The following ARHGEF18 variants were observed in gnomAD, a reference collection of about 807,000 sequenced individuals.
The protein encoded by ARHGEF18 is Rho/Rac guanine nucleotide exchange factor 18.
ARHGEF18 carries 93 observed loss-of-function variants against 155.7 expected under a neutral mutation model. The ratio of observed to expected loss-of-function variants is 0.60; its 90% CI spans 0.50 to 0.71. ARHGEF18 has a LOEUF of 0.71. ARHGEF18 is among the 30% of genes least tolerant of loss of function. The probability of loss-of-function intolerance (pLI) is 0.00; values close to 1 mark genes in which losing one functional copy is unlikely to be tolerated. For synonymous variants in ARHGEF18, 742 were observed against 753.1 expected, an observed-to-expected ratio of 0.99 and a Z score of 0.24; for missense variants, 1,593 against 1,816.1, an observed-to-expected ratio of 0.88 and a Z score of 2.23.
chr19:7,384,505 A>G (rs1351439748), intron 10 of ARHGEF18, among the ~76,000 whole-genome samples: 1 of 152,000 alleles, frequency 6.6e-6, no homozygotes, highest in Non-Finnish European at 1.5e-5. Flanking sequence ...AGGCGTGGGA[A>G]TTTTCCTTCT....
In ARHGEF18 at chr19:7,416,605, GT is replaced by G. The variant is rs71179109; in HGVS notation, c.968-23724del. Among the ~76,000 whole-genome samples the G allele has an allele frequency of 2.5e-4, 23 of 90,452 alleles. 1 individual carries two copies. The highest frequency in any genetic ancestry group is 2.0e-3 in the South Asian group (5 of 2,520). 59.3% of individuals were successfully genotyped at this position (90,452 alleles called of 152,430 possible). On this transcript the variant is annotated intron_variant, in intron 10 of 28. Coordinates refer to ENST00000668164, the MANE Select transcript of ARHGEF18 (RefSeq NM_001367823.1). ...TTGGGGTGGATGATATTTTATTTGG[GT>G]TTTTTTTTTTTTTTGAGACAGAGTC...
intron 2 of ARHGEF18, among the ~76,000 whole-genome samples, chr19:7,369,846 G>A (rs1056776221): frequency 1.3e-5 from 2 of 152,028 alleles, no homozygotes; most frequent in Admixed American, 1.3e-4. Flanking sequence ...AAATTGCCAT[G>A]CAATTGTGCC....
At chr19:7,405,328 C>T (rs949773317) in intron 10 of ARHGEF18, among the ~76,000 whole-genome samples, 5 of 152,228 alleles carry the variant, frequency 3.3e-5, no homozygotes, top group East Asian at 1.9e-4. Flanking sequence ...CCACACCCTC[C>T]GTGGTCACGT....
In ARHGEF18 at chr19:7,457,092, C is replaced by G. The variant is rs144669996; in HGVS notation, c.2181+689C>G. On this transcript the variant is annotated intron_variant, in intron 18 of 28. Coordinates refer to ENST00000668164, the MANE Select transcript of ARHGEF18 (RefSeq NM_001367823.1). ...GCTGAGGCTGCTGTAAACAAAGTACCATGGACTGGGTGGTTTAGACCACAT... is the reference window on the plus strand; with the variant it reads ...GCTGAGGCTGCTGTAAACAAAGTACGATGGACTGGGTGGTTTAGACCACAT... Among the ~76,000 whole-genome samples, 278 of 152,198 alleles carry G rather than the reference C, an allele frequency of 1.8e-3. 2 individuals carry two copies. The highest frequency in any genetic ancestry group is 6.2e-3 in the African/African-American group (256 of 41,514).
intron 2 of ARHGEF18, among the ~76,000 whole-genome samples, chr19:7,364,867 C>T (rs2145361712): frequency 6.6e-6 from 1 of 152,248 alleles, no homozygotes; most frequent in Non-Finnish European, 1.5e-5. Flanking sequence ...GTTGGGTCTC[C>T]AGGAAGCAGA....
chr19:7,440,283 G>A lies in ARHGEF18; in HGVS notation c.968-61G>A, dbSNP rs375852625. ...GCAGTCGGAGCGGGGCTTCCGCGCC[G>A]GGGACCTCCGCTACCCGACCCACTT... is the stretch of plus-strand genomic sequence containing the variant. On this transcript the variant is annotated intron_variant, in intron 10 of 28. Coordinates refer to ENST00000668164, the MANE Select transcript of ARHGEF18 (RefSeq NM_001367823.1). This position sits in a 1 kb window ranked among gnomAD's most constrained non-coding sequence, Gnocchi z 5.4. 51 of 1,571,512 alleles carry A rather than the reference G, an allele frequency of 3.2e-5. No individual in the cohort carries two copies. Among genetic ancestry groups the A allele is most frequent in the Middle Eastern group, 1.7e-4 (1 of 6,034 alleles).
intron 10 of ARHGEF18, among the ~76,000 whole-genome samples, chr19:7,398,789 G>A (rs1186528193): frequency 6.6e-6 from 1 of 152,180 alleles, no homozygotes; most frequent in South Asian, 2.1e-4. Context: ...CACTTTGAAA[G>A]GGGAAGTAGC....
At chr19:7,450,771 C>T (rs1185042802) in intron 15 of ARHGEF18, among the ~76,000 whole-genome samples, 21 of 142,904 alleles carry the variant, frequency 1.5e-4, no homozygotes, top group South Asian at 4.5e-4. Context: ...TGTCCGTTTC[C>T]ACGGTGTTAA....
At chr19:7,439,863 A>G in intron 10 of ARHGEF18, 1 of 1,447,874 alleles carries the variant, frequency 6.9e-7, no homozygotes, top group South Asian at 1.5e-5. Context: ...TGCAAAGACC[A>G]AGGGAGAGCC....
chr19:7,447,063 G>C lies in ARHGEF18; in HGVS notation c.1632G>C (p.Glu544Asp), dbSNP rs775135579. The C allele has an allele frequency of 1.2e-6, 2 of 1,613,222 alleles. No homozygotes were observed. The highest frequency in any genetic ancestry group is 2.7e-5 in the African/African-American group (2 of 74,892). Residue 544 changes from glutamate to aspartate, a missense_variant, in exon 15 of 29, where the codon GAG becomes GAC. Transcript: ENST00000668164. ...LVQQFSGENG[E>D]RMKEKYGVFC... ...ATCAGTTTTCAGGTGAAAATGGGGA[G>C]AGAATGAAAGAAAAGTACGGTGTGT...
At chr19:7,381,785 T>C (rs996946303) in intron 8 of ARHGEF18, among the ~76,000 whole-genome samples, 4 of 152,090 alleles carry the variant, frequency 2.6e-5, no homozygotes, top group African/African-American at 7.2e-5. Flanking sequence ...ATGGGGACAG[T>C]ATGAGGACCA....
At chr19:7,456,433 T>C (rs1438880984) in intron 18 of ARHGEF18, 30 bp downstream of exon 18, 1 of 1,603,884 alleles carries the variant, frequency 6.2e-7, no homozygotes, top group East Asian at 2.2e-5. Context: ...AGACGAAGGG[T>C]CGGCTGGGTG....
chr19:7,442,647 T>C (rs1350012690), intron 13 of ARHGEF18, among the ~76,000 whole-genome samples: 1 of 152,266 alleles, frequency 6.6e-6, no homozygotes, highest in Non-Finnish European at 1.5e-5. Context: ...TCTGGCTGAA[T>C]GCCCAGGTCT....
In ARHGEF18 at chr19:7,468,867, C is replaced by T; in HGVS notation, c.3523C>T (p.Leu1175=). ...CCCTCCCAGCTTCAACGGGGAAGGGCTGGAGGGCCCTCGTGTGAGCATGCT... is the reference window on the plus strand; with the variant it reads ...CCCTCCCAGCTTCAACGGGGAAGGGTTGGAGGGCCCTCGTGTGAGCATGCT... ...SHPPSFNGEG[L]EGPRVSMLPS... The change falls in exon 27 of 29, where the codon CTG becomes TTG. Residue 1175 remains leucine, a synonymous_variant. Coordinates refer to ENST00000668164, the MANE Select transcript of ARHGEF18 (RefSeq NM_001367823.1). 1 of 1,571,972 alleles carries T rather than the reference C, an allele frequency of 6.4e-7. No individual in the cohort carries two copies. Among genetic ancestry groups the T allele is most frequent in the Middle Eastern group, 1.7e-4 (1 of 5,882 alleles).
At chr19:7,374,742 T>C (rs1330071927) in intron 3 of ARHGEF18, among the ~76,000 whole-genome samples, 1 of 151,698 alleles carries the variant, frequency 6.6e-6, no homozygotes, top group East Asian at 1.9e-4. Context: ...AAACCTAAAT[T>C]TACACACCTG....
chr19:7,365,320 G>A (rs183352385), intron 2 of ARHGEF18, among the ~76,000 whole-genome samples: 12 of 152,282 alleles, frequency 7.9e-5, no homozygotes, highest in South Asian at 4.1e-4. Flanking sequence ...CCAACTACTC[G>A]GGAGACTGGG....
At chr19:7,376,112 C>T (rs1157283796) in intron 4 of ARHGEF18, among the ~76,000 whole-genome samples, 2 of 152,252 alleles carry the variant, frequency 1.3e-5, no homozygotes, top group East Asian at 3.9e-4. Flanking sequence ...GCCATGACTC[C>T]AACCCAAGGG....
intron 10 of ARHGEF18, among the ~76,000 whole-genome samples, chr19:7,433,166 A>T (rs1458105776): frequency 1.6e-5 from 1 of 61,190 alleles, no homozygotes. Context: ...GTCTCTCTTT[A>T]AAAAAAAAAA....
rs182900018 is a variant in ARHGEF18 at position 7,404,017 on chromosome 19, G to A, written c.967+20814G>A. On this transcript the variant is annotated intron_variant, in intron 10 of 28. Coordinates refer to ENST00000668164, the MANE Select transcript of ARHGEF18 (RefSeq NM_001367823.1). ...GAGGCGGCGGAGGTTGTAGTCAGAC[G>A]AGATTGAGCCAGTGCATGTCAGCCT... 1.5e-3 allele frequency among the ~76,000 whole-genome samples: 224 copies of A among 151,540 alleles called. 1 individual carries two copies. Among genetic ancestry groups the A allele is most frequent in the Middle Eastern group, 6.8e-3 (2 of 294 alleles).
Sources: gnomAD v4.1 joint callset for allele counts (sites outside exome capture counted in the v4.1 genomes callset) on GRCh38, gnomAD v4.1.1 for gene constraint, Gnocchi (gnomAD v3.1) non-coding constraint, MANE v1.5 for transcripts, NCBI Gene and HGNC (gene_info 2026-07-23, HGNC 2026-07-21) for gene names.